The following NCKAP5 variants were observed in gnomAD, a reference collection of about 807,000 sequenced individuals.
NCKAP5 encodes nck-associated protein 5.
A neutral mutation model predicts 167.0 loss-of-function variants in NCKAP5; 92 were observed. That is an observed-to-expected ratio of 0.55 (90% confidence interval 0.47 to 0.66). The LOEUF (loss-of-function observed/expected upper bound fraction) is 0.66, where lower values mean the gene tolerates loss of function less well. Ranked by LOEUF, NCKAP5 falls within the 30% of genes least tolerant of loss-of-function variation. The probability of loss-of-function intolerance (pLI) is 0.00; values close to 1 mark genes in which losing one functional copy is unlikely to be tolerated. For missense variants in NCKAP5, 2,378 were observed against 2,315.0 expected (o/e 1.03, Z -0.56); for synonymous variants, 891 against 877.4 (o/e 1.02, Z -0.27).
chr2:132,850,254 G>T (rs1396370225), intron 11 of NCKAP5, among the ~76,000 whole-genome samples: 1 of 152,102 alleles, frequency 6.6e-6, no homozygotes, highest in African/African-American at 2.4e-5. Context: ...TATTGAATTT[G>T]ATTTTTCCAA....
At chr2:133,183,628 A>G (rs1017584387) in intron 5 of NCKAP5, among the ~76,000 whole-genome samples, 1 of 152,178 alleles carries the variant, frequency 6.6e-6, no homozygotes, top group Admixed American at 6.5e-5. Flanking sequence ...ACTACAGATA[A>G]ATGGTGAAAA....
intron 3 of NCKAP5, among the ~76,000 whole-genome samples, chr2:133,385,846 T>C (rs1686918555): frequency 6.6e-6 from 1 of 152,240 alleles, no homozygotes; most frequent in African/African-American, 2.4e-5. Context: ...GAGGTGTTTA[T>C]AGTATTCTCT....
intron 6 of NCKAP5, among the ~76,000 whole-genome samples, chr2:133,044,240 A>G (rs552473702): frequency 6.6e-6 from 1 of 152,220 alleles, no homozygotes; most frequent in South Asian, 2.1e-4. Flanking sequence ...AAAGTCTGAT[A>G]AACACAACTG....
At chr2:133,563,826 T>C (rs1488938999) in intron 1 of NCKAP5, among the ~76,000 whole-genome samples, 2 of 151,986 alleles carry the variant, frequency 1.3e-5, no homozygotes, top group Non-Finnish European at 2.9e-5. Context: ...AGCGGTAAAA[T>C]GAAAGGTTAA....
chr2:133,173,281 G>A (rs2084324615), intron 5 of NCKAP5, among the ~76,000 whole-genome samples: 1 of 152,102 alleles, frequency 6.6e-6, no homozygotes, highest in Non-Finnish European at 1.5e-5. Flanking sequence ...CAACTCTGGG[G>A]GGAGCTGGAA....
At chr2:133,591,811 G>A in the NCKAP5 span, among the ~76,000 whole-genome samples, 3 of 152,246 alleles carry the variant, frequency 2.0e-5, no homozygotes, top group South Asian at 2.1e-4. Flanking sequence ...TCAAGCCCAC[G>A]ACTTTAATTT....
At chr2:132,749,700 A>ATTT (rs201181718) in intron 16 of NCKAP5, among the ~76,000 whole-genome samples, 14,455 of 148,380 alleles carry the variant, frequency 0.097, 870 homozygotes, top group East Asian at 0.14. Flanking sequence ...TAAAGGTAGC[A>ATTT]TTTTTTTTTT....
At chr2:132,808,081 C>A (rs920855666) in intron 11 of NCKAP5, among the ~76,000 whole-genome samples, 54 of 152,128 alleles carry the variant, frequency 3.5e-4, no homozygotes, top group African/African-American at 1.3e-3. Flanking sequence ...TAGGTTAAAC[C>A]ATCCCTGCAC....
chr2:132,784,987 G>C lies in NCKAP5; in HGVS notation c.1824C>G (p.Ala608=), dbSNP rs373377710. The C allele has an allele frequency of 1.9e-6, 3 of 1,613,740 alleles. No homozygotes were observed. The highest frequency in any genetic ancestry group is 1.7e-6 in the Non-Finnish European group (2 of 1,179,798). Residue 608 remains alanine, a synonymous_variant, in exon 14 of 20, where the codon GCC becomes GCG. Coordinates refer to ENST00000409261, the MANE Select transcript of NCKAP5 (RefSeq NM_207363.3). ...GGTTCTCCACGGACTTATCGGTGTC[G>C]GCAGCCAATGACACGTCTGAAGGAC... ...EKSPSDVSLA[A]DTDKSVENLD...
chr2:132,759,294 A>G (rs1391010466), intron 16 of NCKAP5, among the ~76,000 whole-genome samples: 2 of 152,178 alleles, frequency 1.3e-5, no homozygotes, highest in East Asian at 3.8e-4. Context: ...CTATGATGAC[A>G]ATGTTACCAC....
At chr2:133,076,222 G>T (rs1401968731) in intron 6 of NCKAP5, among the ~76,000 whole-genome samples, 1 of 151,974 alleles carries the variant, frequency 6.6e-6, no homozygotes, top group Non-Finnish European at 1.5e-5. Flanking sequence ...TTACTTCTTT[G>T]TACACTCTAT....
At chr2:132,907,717 G>A (rs976931049) in intron 8 of NCKAP5, among the ~76,000 whole-genome samples, 2 of 151,956 alleles carry the variant, frequency 1.3e-5, no homozygotes, top group Non-Finnish European at 1.5e-5. Context: ...GAGTTCAGTG[G>A]CACGATCTTG....
intron 3 of NCKAP5, among the ~76,000 whole-genome samples, chr2:133,312,812 CT>C (rs1253800627): frequency 6.6e-6 from 1 of 152,172 alleles, no homozygotes. Context: ...TTGGTCAATT[CT>C]TTTCAAAGTT....
Position 132,700,765 on chromosome 2 carries a change from T to C in NCKAP5, c.5713+24862A>G, listed in dbSNP as rs1687796457. Among the ~76,000 whole-genome samples, 4 of 152,194 alleles carry C rather than the reference T, an allele frequency of 2.6e-5. No individual in the cohort carries two copies. The South Asian group carries it at 8.3e-4, about 32-fold the overall frequency. On this transcript the variant is annotated intron_variant, in intron 19 of 19. Coordinates refer to ENST00000409261, the MANE Select transcript of NCKAP5 (RefSeq NM_207363.3). ...TAAGAAATGATCTTTCTCCTAAATT[T>C]CTGACATCACAAATTTTGACATTAC...
At chr2:133,536,616 C>A (rs1685785169) in intron 2 of NCKAP5, among the ~76,000 whole-genome samples, 1 of 151,824 alleles carries the variant, frequency 6.6e-6, no homozygotes, top group South Asian at 2.1e-4. Flanking sequence ...TATCTGTATT[C>A]CAAATATCAA....
At chr2:133,090,926 C>T (rs1355362898) in intron 6 of NCKAP5, among the ~76,000 whole-genome samples, 1 of 152,120 alleles carries the variant, frequency 6.6e-6, no homozygotes, top group African/African-American at 2.4e-5. Context: ...ATCTCACATT[C>T]AATTGTAATC....
intron 19 of NCKAP5, among the ~76,000 whole-genome samples, chr2:132,674,701 A>T (rs1196711518): frequency 2.6e-5 from 4 of 152,184 alleles, no homozygotes; most frequent in African/African-American, 7.2e-5. Context: ...GAAGAGAGAG[A>T]TGGAAGTGGA....
chr2:132,704,114 A>G (rs935903653), intron 19 of NCKAP5, among the ~76,000 whole-genome samples: 1 of 152,164 alleles, frequency 6.6e-6, no homozygotes, highest in Non-Finnish European at 1.5e-5. Flanking sequence ...TCTTTTCTGA[A>G]GGTGTCTTTC....
chr2:132,714,736 C>T, intron 19 of NCKAP5: 1 of 378,748 alleles, frequency 2.6e-6, no homozygotes, highest in Admixed American at 3.3e-5. Flanking sequence ...TCGCTTGAAC[C>T]CGGGAGGCAG....
Sources: gnomAD v4.1 joint callset for allele counts (sites outside exome capture counted in the v4.1 genomes callset) on GRCh38, gnomAD v4.1.1 for gene constraint, MANE v1.5 for transcripts, NCBI Gene and HGNC (gene_info 2026-07-23, HGNC 2026-07-21) for gene names.